NBL1: variants seen among roughly 807,000 people sequenced by gnomAD.
The protein encoded by NBL1 is NBL1, DAN family BMP antagonist, also known as neuroblastoma suppressor of tumorigenicity 1.
Under a neutral mutation model 16.0 loss-of-function variants are expected in NBL1, and 9 were observed. The ratio of observed to expected loss-of-function variants is 0.56; its 90% confidence interval spans 0.34 to 0.98. The LOEUF (loss-of-function observed/expected upper bound fraction) is 0.98, where lower values mean the gene tolerates loss of function less well. NBL1 is among the 50% of genes least tolerant of loss of function. The pLI is 0.02. For synonymous variants in NBL1, 86 were observed against 100.7 expected, an observed-to-expected ratio of 0.85 and a Z score of 0.87; for missense variants, 196 against 243.1, an observed-to-expected ratio of 0.81 and a Z score of 1.29.
intron 1 of NBL1, chr1:19,645,557 C>T (rs1166392146): frequency 4.4e-5 from 45 of 1,020,094 alleles, no homozygotes; most frequent in Non-Finnish European, 5.2e-5. Flanking sequence ...AAAGACCGGG[C>T]GCTGGCGGGG....
At chr1:19,651,967 T>G (rs1303130083) in intron 1 of NBL1, among the ~76,000 whole-genome samples, 5 of 152,214 alleles carry the variant, frequency 3.3e-5, no homozygotes, top group Non-Finnish European at 5.9e-5. Flanking sequence ...AGTCTTGGAC[T>G]CCTGAGTTCA....
At chr1:19,655,574 G>A in intron 3 of NBL1, 139 bp downstream of exon 3, 1 of 981,440 alleles carries the variant, frequency 1.0e-6, no homozygotes, top group Non-Finnish European at 1.5e-6. Flanking sequence ...TGAAGGGCTT[G>A]TGCTGGGGAT....
At chr1:19,647,902 T>TGC (rs1558361068) in intron 1 of NBL1, among the ~76,000 whole-genome samples, 7 of 100,458 alleles carry the variant, frequency 7.0e-5, no homozygotes, top group South Asian at 2.5e-4. Flanking sequence ...CGCGTGTGTG[T>TGC]GCGTGCTTGT....
intron 1 of NBL1, among the ~76,000 whole-genome samples, chr1:19,648,595 C>T (rs1017136572): frequency 3.3e-5 from 5 of 152,214 alleles, no homozygotes; most frequent in Admixed American, 6.5e-5. Context: ...CCCTCTTCCC[C>T]GGAGTGGGAG....
intron 3 of NBL1, among the ~76,000 whole-genome samples, chr1:19,656,053 C>T (rs1260448384): frequency 6.6e-6 from 1 of 152,148 alleles, no homozygotes. Flanking sequence ...AGTATGCCTC[C>T]GCTTCAAGCA....
At chr1:19,644,136 C>T, upstream of NBL1, 1 of 979,072 alleles carries the variant, frequency 1.0e-6, no homozygotes. This position sits in a 1 kb window ranked among gnomAD's most constrained non-coding sequence, Gnocchi z 4.6. Context: ...GGAGAGGGCC[C>T]GGGGCCCCTG....
chr1:19,643,982 C>G (rs2094961781), upstream of NBL1: 1 of 985,440 alleles, frequency 1.0e-6, no homozygotes, highest in South Asian at 4.7e-5. This position sits in a 1 kb window ranked among gnomAD's most constrained non-coding sequence, Gnocchi z 4.7. Context: ...AGAGTGGAAG[C>G]GCAGAGAAAC....
rs531163910 is a variant in NBL1, at chr1:19,653,875, T to G, written c.-19-1137T>G. 3.3e-5 allele frequency among the ~76,000 whole-genome samples: 5 copies of G among 152,324 alleles called. No individual in the cohort carries two copies. The South Asian group carries it at 1.0e-3, about 32-fold the overall frequency. On this transcript the variant is annotated intron_variant, in intron 1 of 3. Transcript: ENST00000375136. ...CAGACTGCCCTGCAGCGCCACCTTT[T>G]GGCAGATCCTGGTATTGTTTTAGTA...
upstream of NBL1, chr1:19,644,055 C>G: frequency 1.0e-6 from 1 of 978,658 alleles, no homozygotes; most frequent in Non-Finnish European, 1.2e-6. This position sits in a 1 kb window ranked among gnomAD's most constrained non-coding sequence, Gnocchi z 4.6. Context: ...TCTCGGGCGC[C>G]GGCCAGGCGT....
intron 3 of NBL1, among the ~76,000 whole-genome samples, chr1:19,656,336 G>A (rs1481217926): frequency 2.7e-5 from 4 of 149,152 alleles, no homozygotes; most frequent in Non-Finnish European, 4.4e-5. Flanking sequence ...GGGCTCTTTT[G>A]AGGAAGTGAA....
At chr1:19,655,921 TC>T (rs201056089) in intron 3 of NBL1, among the ~76,000 whole-genome samples, 2,533 of 152,236 alleles carry the variant, frequency 0.017, 39 homozygotes, top group Non-Finnish European at 0.024. Flanking sequence ...ACCACCTCTG[TC>T]CCCTTTCTCT....
At chr1:19,653,976 G>A (rs1165904269) in intron 1 of NBL1, among the ~76,000 whole-genome samples, 1 of 152,204 alleles carries the variant, frequency 6.6e-6, no homozygotes, top group Non-Finnish European at 1.5e-5. Flanking sequence ...CTTGACTCAC[G>A]TGTTAGAATG....
chr1:19,643,309 A>T (rs2094959465), upstream of NBL1: 2 of 1,613,862 alleles, frequency 1.2e-6, no homozygotes, highest in Non-Finnish European at 8.5e-7. This position sits in a 1 kb window ranked among gnomAD's most constrained non-coding sequence, Gnocchi z 4.7. Flanking sequence ...GGAGCCACCC[A>T]GGATGCCCGG....
At chr1:19,654,394 T>G (rs1239710983) in intron 1 of NBL1, among the ~76,000 whole-genome samples, 1 of 152,076 alleles carries the variant, frequency 6.6e-6, no homozygotes, top group Non-Finnish European at 1.5e-5. Context: ...CCGAGTGAGA[T>G]CTTTTCTCAA....
At chr1:19,655,269 G>A (rs1224940363) in intron 2 of NBL1, 55 bp from the exon 3 acceptor site, 9 of 1,611,912 alleles carry the variant, frequency 5.6e-6, no homozygotes, top group Non-Finnish European at 6.8e-6. Context: ...GACCAGGGCT[G>A]CCCATCCCTG....
chr1:19,643,621 G>C, upstream of NBL1: 1 of 1,363,730 alleles, frequency 7.3e-7, no homozygotes, highest in Non-Finnish European at 9.5e-7. The surrounding 1 kb of genome is among the most constrained non-coding windows in gnomAD (Gnocchi z 4.7). Context: ...CCAGGAGTCA[G>C]AGAAGTGAGT....
intron 1 of NBL1, among the ~76,000 whole-genome samples, chr1:19,648,202 AGTGTTCCTTGAAATCTAGGCCACTCCT>A (rs1336332129): frequency 6.6e-6 from 1 of 152,078 alleles, no homozygotes; most frequent in African/African-American, 2.4e-5. Context: ...GGAAGAAGTA[AGTGTTCCTTGAAATCTAGGCCACTCCT>A]GTGTATTTAG....
chr1:19,647,295 G>T (rs1020042104), intron 1 of NBL1, among the ~76,000 whole-genome samples: 6 of 152,166 alleles, frequency 3.9e-5, no homozygotes, highest in African/African-American at 1.4e-4. Context: ...GCATGGTGGT[G>T]TATGCCTGTA....
At position 19,657,350 on chromosome 1, in the gene NBL1, G is replaced by A. The variant is rs1472787845; in HGVS notation, c.*221G>A. 1 of 268,018 alleles carries A rather than the reference G, an allele frequency of 3.7e-6. No individual in the cohort carries two copies. Among genetic ancestry groups the A allele is most frequent in the African/African-American group, 2.8e-5 (1 of 36,128 alleles). The allele number at this position is 268,018 out of a possible 1,614,324, so 16.6% of individuals were successfully genotyped here. A position where few individuals can be genotyped will look rare whatever the true frequency, so the allele number is the denominator to read the frequency against. ...TTCAAGAGTGGGGGGAGGAAGCAGA[G>A]GTCTTCAGGGCTCTTTTTTTGGGGG... On this transcript the variant is annotated 3_prime_UTR_variant, in exon 4 of 4. Transcript: ENST00000375136.
Sources: allele counts gnomAD v4.1 joint callset (sites outside exome capture counted in the v4.1 genomes callset), GRCh38; gene constraint gnomAD v4.1.1; non-coding constraint Gnocchi (gnomAD v3.1); transcripts MANE v1.5; gene names NCBI Gene and HGNC (gene_info 2026-07-23, HGNC 2026-07-21).